Variants in RNASET2 observed in about 807,000 individuals in gnomAD.
RNASET2 encodes the protein ribonuclease T2.
Under a neutral mutation model 33.9 loss-of-function variants are expected in RNASET2, and 28 were observed. The observed-to-expected ratio is 0.83, with a 90% CI of 0.61 to 1.13. The LOEUF (loss-of-function observed/expected upper bound fraction) is 1.13. RNASET2 is among the 50% of genes most tolerant of loss of function. The probability of loss-of-function intolerance (pLI) is 0.00; values close to 1 mark genes in which losing one functional copy is unlikely to be tolerated. For missense variants in RNASET2, 330 were observed against 319.9 expected, an observed-to-expected ratio of 1.03 and a Z score of -0.24; for synonymous variants, 123 against 121.0, an observed-to-expected ratio of 1.02 and a Z score of -0.11.
chr6:166,955,720 T>G, intron 1 of RNASET2: 1 of 1,091,380 alleles, frequency 9.2e-7, no homozygotes, highest in Non-Finnish European at 1.1e-6. Context: ...CCCCGGGGAG[T>G]GTTCAGGGCT....
At chr6:166,935,919 C>T (rs1243527653) in intron 6 of RNASET2, among the ~76,000 whole-genome samples, 10 of 152,164 alleles carry the variant, frequency 6.6e-5, no homozygotes, top group African/African-American at 9.7e-5. Context: ...ATGATCCACC[C>T]GCCTTGGCCT....
intron 6 of RNASET2, among the ~76,000 whole-genome samples, chr6:166,936,974 G>A (rs1778584996): frequency 1.3e-5 from 2 of 152,208 alleles, no homozygotes; most frequent in Non-Finnish European, 2.9e-5. Flanking sequence ...CTCTGCAGCA[G>A]GGTCAGGACT....
intron 1 of RNASET2, among the ~76,000 whole-genome samples, chr6:166,955,185 A>ACGCACGCACACACG: frequency 8.8e-6 from 1 of 113,460 alleles, no homozygotes; most frequent in African/African-American, 4.1e-5. Context: ...CCACACACAC[A>ACGCACGCACACACG]CACGCACACA....
In RNASET2 at chr6:166,925,936, C is replaced by T. The variant is rs1354129095; in HGVS notation, c.*3652G>A. On this transcript the variant is annotated 3_prime_UTR_variant, in exon 9 of 9. Coordinates refer to ENST00000508775, the MANE Select transcript of RNASET2 (RefSeq NM_003730.6). ...GAGGGATTGAGGGAATGTCCCTGAG[C>T]CGCCATACTGGGGAGGTGTGATCTG... Among the ~76,000 whole-genome samples the T allele has an allele frequency of 6.6e-6, 1 of 152,126 alleles. No individual in the cohort carries two copies. The highest frequency in any genetic ancestry group is 1.5e-5 in the Non-Finnish European group (1 of 68,016).
chr6:166,944,228 G>A (rs149370066), intron 4 of RNASET2, among the ~76,000 whole-genome samples: 222 of 152,074 alleles, frequency 1.5e-3, no homozygotes, highest in African/African-American at 4.9e-3. Flanking sequence ...GGCACCAGTC[G>A]CGCTAAATCC....
In RNASET2 at chr6:166,925,137, G is replaced by C. The variant is rs1265487824; in HGVS notation, c.*4451C>G. 1.1e-4 allele frequency among the ~76,000 whole-genome samples: 14 copies of C among 129,034 alleles called. No individual in the cohort carries two copies. The highest frequency in any genetic ancestry group is 4.4e-4 in the African/African-American group (14 of 31,884). The allele number at this position is 129,034 out of a possible 152,430, so 84.7% of individuals were successfully genotyped here. A position where few individuals can be genotyped will look rare whatever the true frequency, so the allele number is the denominator to read the frequency against. ...CACAGCCCTCACCTCTGCTGCCCAG[G>C]CCTCATCTACGCCATCCAGCCCTCA... is the stretch of plus-strand genomic sequence containing the variant. On this transcript the variant is annotated 3_prime_UTR_variant, in exon 9 of 9. Coordinates refer to ENST00000508775, the MANE Select transcript of RNASET2 (RefSeq NM_003730.6).
intron 4 of RNASET2, 125 bp from the exon 5 acceptor site, chr6:166,943,214 T>C: frequency 2.9e-6 from 2 of 701,506 alleles, no homozygotes; most frequent in Non-Finnish European, 5.0e-6. Flanking sequence ...CTTTGGTGAA[T>C]AAAATAATCC....
At chr6:166,934,424 C>T in intron 6 of RNASET2, 2 of 413,774 alleles carry the variant, frequency 4.8e-6, no homozygotes, top group Non-Finnish European at 4.4e-6. Flanking sequence ...GTGGAGCTGG[C>T]ACACACATCA....
intron 6 of RNASET2, chr6:166,934,725 A>T (rs984649371): frequency 6.4e-6 from 1 of 155,240 alleles, no homozygotes; most frequent in South Asian, 2.0e-4. Flanking sequence ...CCTCGAAGCA[A>T]CAGGCTATAC....
intron 8 of RNASET2, among the ~76,000 whole-genome samples, 163 bp from the exon 9 acceptor site, chr6:166,929,954 G>C (rs1778380427): frequency 6.6e-6 from 1 of 152,228 alleles, no homozygotes; most frequent in Admixed American, 6.5e-5. Context: ...GCAGAAGGCT[G>C]CTGTGCACTA....
At position 166,927,738 on chromosome 6, in the gene RNASET2, A is replaced by G. The variant is rs1329441026; in HGVS notation, c.*1850T>C. On this transcript the variant is annotated 3_prime_UTR_variant, in exon 9 of 9. Transcript: ENST00000508775. ...CAAAAAAAAAAAAAAAAAAAAAAAG[A>G]ATTGACATCATTTAAAGGACTCTGA... 6.7e-6 allele frequency among the ~76,000 whole-genome samples: 1 copy of G among 149,738 alleles called. No homozygotes were observed. Among genetic ancestry groups the G allele is most frequent in the Non-Finnish European group, 1.5e-5 (1 of 67,398 alleles).
chr6:166,956,045 G>C, intron 1 of RNASET2, 52 bp downstream of exon 1: 1 of 1,510,978 alleles, frequency 6.6e-7, no homozygotes. Flanking sequence ...CCAGTGGAAA[G>C]CTCTAGGGCC....
chr6:166,955,299 CGCACACACG>C (rs1779111951), intron 1 of RNASET2, among the ~76,000 whole-genome samples: 13 of 36,574 alleles, frequency 3.6e-4, no homozygotes, highest in South Asian at 2.7e-3. Context: ...CGCACAGACG[CGCACACACG>C]ACACACACGC....
rs1193629623 is a variant in RNASET2 at position 166,938,987 on chromosome 6, A to G, written c.354T>C (p.His118=). The G allele has an allele frequency of 1.2e-6, 2 of 1,613,374 alleles. No individual in the cohort carries two copies. The highest frequency in any genetic ancestry group is 1.7e-5 in the Admixed American group (1 of 60,032). ...SRFWKHEWEK[H]GTCAAQVDAL... is the part of the protein sequence containing the mutation. ...CATCCACCTGGGCGGCGCAGGTCCCATGCTTTTCCCACTCATGCTTCCTGT... is the reference window on the plus strand; with the variant it reads ...CATCCACCTGGGCGGCGCAGGTCCCGTGCTTTTCCCACTCATGCTTCCTGT... Residue 118 remains histidine, a synonymous_variant, in exon 6 of 9, where the codon CAT becomes CAC. Transcript: ENST00000508775.
intron 5 of RNASET2, among the ~76,000 whole-genome samples, chr6:166,942,330 G>A (rs541891162): frequency 5.3e-5 from 8 of 152,162 alleles, no homozygotes; most frequent in African/African-American, 9.7e-5. Context: ...TGGGATTACA[G>A]GTGTGAACCA....
chr6:166,928,591 GACAA>G lies in RNASET2; in HGVS notation c.*993_*996del, dbSNP rs1224391762. Among the ~76,000 whole-genome samples the G allele has an allele frequency of 2.6e-5, 4 of 152,134 alleles. No homozygotes were observed. Among genetic ancestry groups the G allele is most frequent in the Non-Finnish European group, 5.9e-5 (4 of 68,024 alleles). On this transcript the variant is annotated 3_prime_UTR_variant, in exon 9 of 9. Coordinates refer to ENST00000508775, the MANE Select transcript of RNASET2 (RefSeq NM_003730.6). ...ATAAATAGGACGTTAATGTGATTAA[GACAA>G]ACAGAGAAAAGGATTTAAAGAGAGA...
At chr6:166,949,199 C>CAAA (rs1169530046) in intron 2 of RNASET2, among the ~76,000 whole-genome samples, 30 of 52,310 alleles carry the variant, frequency 5.7e-4, no homozygotes, top group Admixed American at 2.0e-3. Context: ...ACCGTGTCTC[C>CAAA]AAAAAAAAAA....
In RNASET2 at chr6:166,926,671, A is replaced by T. The variant is rs1314099868; in HGVS notation, c.*2917T>A. Reference sequence around the variant, plus strand: ...GGGATTGCTTTCCAGGTGACAAAGCATTGTCCCCTCCCAGGCCAAGAGAAA... The same window carrying T: ...GGGATTGCTTTCCAGGTGACAAAGCTTTGTCCCCTCCCAGGCCAAGAGAAA... On this transcript the variant is annotated 3_prime_UTR_variant, in exon 9 of 9. Coordinates refer to ENST00000508775, the MANE Select transcript of RNASET2 (RefSeq NM_003730.6). 6.6e-6 allele frequency among the ~76,000 whole-genome samples: 1 copy of T among 152,166 alleles called. No individual in the cohort carries two copies. Among genetic ancestry groups the T allele is most frequent in the Non-Finnish European group, 1.5e-5 (1 of 68,030 alleles).
chr6:166,941,813 G>A (rs1778698871), intron 5 of RNASET2, among the ~76,000 whole-genome samples: 1 of 152,062 alleles, frequency 6.6e-6, no homozygotes, highest in Admixed American at 6.6e-5. Flanking sequence ...TATTGAAGTG[G>A]GATAGAGAAA....
Sources: allele counts gnomAD v4.1 joint callset (sites outside exome capture counted in the v4.1 genomes callset), GRCh38; gene constraint gnomAD v4.1.1; transcripts MANE v1.5; gene names NCBI Gene and HGNC (gene_info 2026-07-23, HGNC 2026-07-21).